Variants in RGS7 observed in about 807,000 individuals in gnomAD.
RGS7 encodes regulator of G protein signaling 7, also known as regulator of G-protein signaling 7.
RGS7 carries 27 observed loss-of-function variants against 81.1 expected under a neutral mutation model. The ratio of observed to expected loss-of-function variants is 0.33; its 90% CI spans 0.25 to 0.46. The LOEUF (loss-of-function observed/expected upper bound fraction) is 0.46, where lower values mean the gene tolerates loss of function less well. Ranked by LOEUF, RGS7 falls within the 20% of genes least tolerant of loss-of-function variation. RGS7 has a pLI of 1.00. For missense variants in RGS7, 396 were observed against 607.4 expected (o/e 0.65, Z 3.66); for synonymous variants, 208 against 207.7 (o/e 1.00, Z -0.01).
In RGS7 at chr1:240,776,014, T is replaced by G. The variant is rs770686851; in HGVS notation, c.*206A>C. On this transcript the variant is annotated 3_prime_UTR_variant, in exon 19 of 19. Coordinates refer to ENST00000440928, the MANE Select transcript of RGS7 (RefSeq NM_001364886.1). Reference sequence around the variant, plus strand: ...GAGGCATTGAGACGGAAGAGTCCATTGGAGATGGAATGTACACACAAAAAT... The same window carrying G: ...GAGGCATTGAGACGGAAGAGTCCATGGGAGATGGAATGTACACACAAAAAT... The G allele has an allele frequency of 2.3e-5, 16 of 709,066 alleles. No individual in the cohort carries two copies. Among genetic ancestry groups the G allele is most frequent in the Non-Finnish European group, 2.6e-5 (10 of 379,206 alleles). 43.9% of individuals were successfully genotyped at this position (709,066 alleles called of 1,614,324 possible). A position where few individuals can be genotyped will look rare whatever the true frequency, so the allele number is the denominator to read the frequency against.
intron 6 of RGS7, among the ~76,000 whole-genome samples, chr1:240,913,896 G>A (rs1167801666): frequency 6.7e-6 from 1 of 148,638 alleles, no homozygotes; most frequent in African/African-American, 2.5e-5. Context: ...TGTTTTTTTT[G>A]TTTTTTTAAT....
At chr1:241,354,033 T>C (rs1184572733) in intron 2 of RGS7, among the ~76,000 whole-genome samples, 1 of 152,140 alleles carries the variant, frequency 6.6e-6, no homozygotes, top group Non-Finnish European at 1.5e-5. Flanking sequence ...CCTTAATCTT[T>C]TAAAGGGAAA....
At chr1:241,114,928 C>T (rs2065787955) in intron 2 of RGS7, among the ~76,000 whole-genome samples, 1 of 152,180 alleles carries the variant, frequency 6.6e-6, no homozygotes, top group Non-Finnish European at 1.5e-5. Context: ...ATCTTCATTA[C>T]AGATTGACTT....
At chr1:240,821,096 G>A (rs6671262) in intron 10 of RGS7, among the ~76,000 whole-genome samples, 2 of 151,904 alleles carry the variant, frequency 1.3e-5, no homozygotes, top group Non-Finnish European at 2.9e-5. Flanking sequence ...GAGCTGGGTC[G>A]ACTCACACCT....
intron 2 of RGS7, 27 bp from the exon 3 acceptor site, chr1:241,098,789 CT>C: frequency 6.5e-7 from 1 of 1,542,346 alleles, no homozygotes; most frequent in Non-Finnish European, 8.9e-7. Flanking sequence ...TAATTAAAAC[CT>C]TTATAAAGTT....
At chr1:241,352,424 A>G (rs2083302361) in intron 2 of RGS7, among the ~76,000 whole-genome samples, 1 of 152,224 alleles carries the variant, frequency 6.6e-6, no homozygotes, top group Admixed American at 6.5e-5. Flanking sequence ...CACCACAGCC[A>G]TTGTAATTTA....
At chr1:241,084,994 C>T (rs775555343) in intron 3 of RGS7, among the ~76,000 whole-genome samples, 7 of 152,166 alleles carry the variant, frequency 4.6e-5, no homozygotes, top group Middle Eastern at 3.2e-3. Context: ...TTTATTTGAT[C>T]GCCGCCAACA....
rs1243702189 is a variant in RGS7 at position 240,936,605 on chromosome 1, A to T, written c.328T>A (p.Phe110Ile). The change falls in exon 5 of 19, where the codon TTT becomes ATT. Residue 110 changes from phenylalanine (F) to isoleucine (I), a missense_variant. Phe to Ile is a conservative substitution (Grantham distance 21, BLOSUM62 0). Transcript: ENST00000440928. Reference protein sequence around the residue: ...TLKDDGTFYRFQTPYFWPSNC... With the variant: ...TLKDDGTFYRIQTPYFWPSNC... ...AACATTTCTAATAAACTTACTTGAA[A>T]CCGGTAAAAGGTGCCATCATCCTTG... 1 of 1,611,410 alleles carries T rather than the reference A, an allele frequency of 6.2e-7. No individual in the cohort carries two copies. The highest frequency in any genetic ancestry group is 1.7e-5 in the Admixed American group (1 of 60,014).
intron 2 of RGS7, among the ~76,000 whole-genome samples, chr1:241,306,657 AATAC>A (rs10577545): frequency 0.24 from 36,671 of 151,132 alleles, 4,828 homozygotes; most frequent in Non-Finnish European, 0.28. Flanking sequence ...TTCACACACA[AATAC>A]ATGTCCACCC....
intron 2 of RGS7, among the ~76,000 whole-genome samples, chr1:241,346,721 T>C (rs2082919255): frequency 1.3e-5 from 2 of 152,172 alleles, no homozygotes; most frequent in Non-Finnish European, 2.9e-5. Flanking sequence ...AATAGAATAC[T>C]AATAACCAAT....
chr1:241,016,487 T>C (rs1018859455), intron 3 of RGS7, among the ~76,000 whole-genome samples: 11 of 151,776 alleles, frequency 7.2e-5, no homozygotes, highest in African/African-American at 1.9e-4. Context: ...CACTGCACTC[T>C]AACCTGGTGA....
intron 4 of RGS7, among the ~76,000 whole-genome samples, chr1:240,970,504 T>C (rs940211730): frequency 4.6e-5 from 7 of 151,990 alleles, no homozygotes; most frequent in South Asian, 2.1e-4. Context: ...AGAGTGTGGC[T>C]AGCTTCTAGG....
chr1:240,993,813 A>AT (rs992868815), intron 3 of RGS7, among the ~76,000 whole-genome samples: 4 of 151,872 alleles, frequency 2.6e-5, no homozygotes, highest in Admixed American at 6.6e-5. Context: ...ATTTTCCTAA[A>AT]TTTTTTTTGT....
chr1:241,239,024 C>T (rs2076136978), intron 2 of RGS7, among the ~76,000 whole-genome samples: 2 of 143,170 alleles, frequency 1.4e-5, no homozygotes, highest in South Asian at 4.5e-4. Context: ...GCTGGAGTGC[C>T]CTGGTGCGAT....
At chr1:240,902,490 G>A (rs908087918) in intron 6 of RGS7, among the ~76,000 whole-genome samples, 3 of 152,032 alleles carry the variant, frequency 2.0e-5, no homozygotes, top group African/African-American at 4.8e-5. Flanking sequence ...TTATATGCAT[G>A]AGCCCTGGGT....
chr1:241,332,714 T>C (rs1041166920), intron 2 of RGS7, among the ~76,000 whole-genome samples: 3 of 152,230 alleles, frequency 2.0e-5, no homozygotes, highest in African/African-American at 7.2e-5. Context: ...TGCATATCTG[T>C]AAGCAAACCA....
intron 2 of RGS7, among the ~76,000 whole-genome samples, chr1:241,143,659 T>C (rs748431042): frequency 2.5e-4 from 38 of 152,178 alleles, no homozygotes; most frequent in Admixed American, 9.2e-4. Context: ...AGCCAAACCA[T>C]ATCTGCAAGC....
intron 4 of RGS7, among the ~76,000 whole-genome samples, chr1:240,940,539 G>A (rs1572876549): frequency 6.6e-6 from 1 of 152,198 alleles, no homozygotes; most frequent in African/African-American, 2.4e-5. Flanking sequence ...GCAGTCTGTG[G>A]CCTGGGAAGA....
At chr1:241,227,339 T>C (rs2075363467) in intron 2 of RGS7, among the ~76,000 whole-genome samples, 1 of 152,080 alleles carries the variant, frequency 6.6e-6, no homozygotes, top group Non-Finnish European at 1.5e-5. Context: ...TGTAATGGAA[T>C]CCATCTACAG....
Sources: gnomAD v4.1 joint callset for allele counts (sites outside exome capture counted in the v4.1 genomes callset) on GRCh38, gnomAD v4.1.1 for gene constraint, MANE v1.5 for transcripts, NCBI Gene and HGNC (gene_info 2026-07-23, HGNC 2026-07-21) for gene names.